CTTN: variants seen among roughly 807,000 people sequenced by gnomAD.
CTTN encodes cortactin.
CTTN carries 28 observed loss-of-function variants against 84.0 expected under a neutral mutation model. The ratio of observed to expected loss-of-function variants is 0.33; its 90% CI spans 0.25 to 0.46. CTTN has a LOEUF of 0.46. CTTN is among the 20% of genes least tolerant of loss of function. CTTN has a pLI of 1.00. For missense variants in CTTN, 641 were observed against 723.8 expected, an observed-to-expected ratio of 0.89 and a Z score of 1.31; for synonymous variants, 301 against 288.8, an observed-to-expected ratio of 1.04 and a Z score of -0.43.
chr11:70,424,302 G>A (rs1335389298), intron 12 of CTTN, among the ~76,000 whole-genome samples: 1 of 152,162 alleles, frequency 6.6e-6, no homozygotes, highest in African/African-American at 2.4e-5. Flanking sequence ...TGCCTGTGTT[G>A]TGGGTGTCTG....
chr11:70,404,788 A>G (rs2058023981), intron 1 of CTTN, among the ~76,000 whole-genome samples: 1 of 152,216 alleles, frequency 6.6e-6, no homozygotes, highest in Non-Finnish European at 1.5e-5. Flanking sequence ...GGATCACCTG[A>G]GGTCGGGAGT....
chr11:70,416,483 G>A (rs909808313), intron 7 of CTTN, among the ~76,000 whole-genome samples: 1 of 152,150 alleles, frequency 6.6e-6, no homozygotes, highest in African/African-American at 2.4e-5. Flanking sequence ...CCAGGCTGGA[G>A]TGCAGTGGCA....
In CTTN at chr11:70,435,198, C is replaced by T. The variant is rs1438158839; in HGVS notation, c.*36C>T. On this transcript the variant is annotated 3_prime_UTR_variant, in exon 18 of 18. Transcript: ENST00000301843. ...CCCCCCCCGGAGCTGCGCCCTGGAT[C>T]CTCACACTACAGATCAGGCCTTCTT... 6.4e-7 allele frequency: 1 copy of T among 1,572,348 alleles called. No homozygotes were observed. Among genetic ancestry groups the T allele is most frequent in the African/African-American group, 1.4e-5 (1 of 73,468 alleles).
chr11:70,431,907 C>T (rs1214675558), intron 15 of CTTN, among the ~76,000 whole-genome samples: 2 of 152,192 alleles, frequency 1.3e-5, no homozygotes, highest in Admixed American at 1.3e-4. Context: ...GCGCTAACCA[C>T]ACCCTCTACC....
Position 70,415,724 on chromosome 11 carries a change from C to T in CTTN, c.457+7C>T, listed in dbSNP as rs772128564. The T allele has an allele frequency of 1.3e-5, 21 of 1,614,004 alleles. No individual in the cohort carries two copies. The highest frequency in any genetic ancestry group is 3.3e-5 in the Admixed American group (2 of 60,020). On this transcript the variant is annotated splice_region_variant and intron_variant, in intron 7 of 17. Transcript: ENST00000301843. ...AAGCATGCCTCCCAGAAAGGTAAGA[C>T]GCGAAAGGTGCAGAAAGAGCCCGCT...
chr11:70,415,328 T>C (rs1353103830), intron 6 of CTTN, among the ~76,000 whole-genome samples: 1 of 152,210 alleles, frequency 6.6e-6, no homozygotes, highest in Non-Finnish European at 1.5e-5. Context: ...TTACTAATAC[T>C]AATGTTCTCA....
At chr11:70,425,054 G>C (rs139359642) in intron 12 of CTTN, among the ~76,000 whole-genome samples, 1 of 152,298 alleles carries the variant, frequency 6.6e-6, no homozygotes, top group Non-Finnish European at 1.5e-5. Flanking sequence ...GGTGGGGAAG[G>C]CTTGAGGCTG....
intron 17 of CTTN, 58 bp downstream of exon 17, chr11:70,433,776 C>T: frequency 2.8e-6 from 3 of 1,080,734 alleles, no homozygotes; most frequent in Non-Finnish European, 4.3e-6. Flanking sequence ...CCTGCCTCTG[C>T]TTGTTTTCTG....
At chr11:70,404,954 A>C (rs2135550233) in intron 1 of CTTN, among the ~76,000 whole-genome samples, 1 of 152,374 alleles carries the variant, frequency 6.6e-6, no homozygotes, top group South Asian at 2.1e-4. Flanking sequence ...GTAAGCCGCG[A>C]TTGTGCCATT....
intron 4 of CTTN, among the ~76,000 whole-genome samples, chr11:70,409,468 G>T (rs148361827): frequency 3.9e-5 from 6 of 152,290 alleles, no homozygotes; most frequent in Non-Finnish European, 7.4e-5. Flanking sequence ...CCATAGCCTC[G>T]TGTTTCCCCC....
At chr11:70,430,016 T>C (rs2058337961) in intron 14 of CTTN, among the ~76,000 whole-genome samples, 1 of 152,180 alleles carries the variant, frequency 6.6e-6, no homozygotes, top group Non-Finnish European at 1.5e-5. Context: ...GTTTAACCTG[T>C]GGATGGCATC....
chr11:70,433,527 T>C, intron 16 of CTTN, 120 bp from the exon 17 acceptor site: 1 of 886,984 alleles, frequency 1.1e-6, no homozygotes, highest in Non-Finnish European at 1.9e-6. Context: ...GAAGGGAGGG[T>C]TTCAGCTGCC....
intron 2 of CTTN, among the ~76,000 whole-genome samples, chr11:70,406,762 A>G (rs1283157491): frequency 6.6e-6 from 1 of 152,196 alleles, no homozygotes; most frequent in Non-Finnish European, 1.5e-5. Flanking sequence ...ACTACTTGAA[A>G]CATTTATTAA....
chr11:70,414,146 C>A (rs1040195585), intron 5 of CTTN, among the ~76,000 whole-genome samples: 2 of 152,110 alleles, frequency 1.3e-5, no homozygotes, highest in Non-Finnish European at 2.9e-5. Flanking sequence ...GAGATGGAGA[C>A]CATCCTGGCT....
At chr11:70,431,098 C>T (rs1330520326) in intron 14 of CTTN, 93 bp from the exon 15 acceptor site, 3 of 1,305,816 alleles carry the variant, frequency 2.3e-6, no homozygotes, top group Non-Finnish European at 3.3e-6. Context: ...CAGAGCATGC[C>T]TAGAGCTTGC....
At chr11:70,413,914 G>A (rs193058632) in intron 5 of CTTN, among the ~76,000 whole-genome samples, 280 of 152,202 alleles carry the variant, frequency 1.8e-3, no homozygotes, top group African/African-American at 6.4e-3. Context: ...CGGGTCTCAC[G>A]GATCCTGCCA....
Position 70,429,109 on chromosome 11 carries a change from G to A in CTTN, c.1086G>A (p.Glu362=). ...ANFENLAKEK[E]QEDRRKAEAE... ...TTGAAAACCTCGCTAAGGAGAAAGA[G>A]CAGGAGGACAGGCGGAAGGCGGAGG... The change falls in exon 14 of 18, where the codon GAG becomes GAA. Residue 362 remains glutamate, a synonymous_variant. Transcript: ENST00000301843. 6.2e-7 allele frequency: 1 copy of A among 1,614,232 alleles called. No homozygotes were observed. Among genetic ancestry groups the A allele is most frequent in the South Asian group, 1.1e-5 (1 of 91,090 alleles).
intron 7 of CTTN, chr11:70,416,719 T>C: frequency 3.3e-6 from 1 of 300,268 alleles, no homozygotes; most frequent in South Asian, 5.3e-5. Flanking sequence ...TATGAAGCTT[T>C]CCAGCTTTTA....
intron 4 of CTTN, chr11:70,407,853 A>C (rs1247976164): frequency 4.4e-6 from 2 of 454,686 alleles, no homozygotes; most frequent in Non-Finnish European, 7.8e-6. Flanking sequence ...CCGTATTTAT[A>C]ATTTTAGAGT....
Sources: allele counts gnomAD v4.1 joint callset (sites outside exome capture counted in the v4.1 genomes callset), GRCh38; gene constraint gnomAD v4.1.1; transcripts MANE v1.5; gene names NCBI Gene and HGNC (gene_info 2026-07-23, HGNC 2026-07-21).